The following SOCS2 variants were observed in gnomAD, a reference collection of about 807,000 sequenced individuals.
The protein encoded by SOCS2 is CIS-2.
Under a neutral mutation model 18.6 loss-of-function variants are expected in SOCS2, and 10 were observed. The ratio of observed to expected loss-of-function variants is 0.54; its 90% CI spans 0.33 to 0.91. SOCS2 has a LOEUF of 0.91. SOCS2 is among the 40% of genes least tolerant of loss of function. The probability of loss-of-function intolerance (pLI) is 0.02; values close to 1 mark genes in which losing one functional copy is unlikely to be tolerated. For synonymous variants in SOCS2, 104 were observed against 104.0 expected (o/e 1.00, Z 0.00); for missense variants, 231 against 247.2 (o/e 0.93, Z 0.44).
At chr12:93,601,266 T>A in the SOCS2 span, among the ~76,000 whole-genome samples, 27 of 152,070 alleles carry the variant, frequency 1.8e-4, no homozygotes, top group African/African-American at 6.3e-4. Flanking sequence ...AATTTCATAT[T>A]TATTTATTTA....
the SOCS2 span, among the ~76,000 whole-genome samples, chr12:93,595,160 C>G: frequency 9.2e-5 from 14 of 152,016 alleles, no homozygotes; most frequent in African/African-American, 3.4e-4. Flanking sequence ...GAGTCTTACT[C>G]GTTACTGAAA....
intron 1 of SOCS2, chr12:93,573,600 C>T (rs1954345000): frequency 1.1e-5 from 2 of 184,596 alleles, no homozygotes; most frequent in Non-Finnish European, 2.2e-5. Flanking sequence ...CAAGTACAGT[C>T]AGGCAATTCG....
the SOCS2 span, among the ~76,000 whole-genome samples, chr12:93,614,432 TTC>T: frequency 2.8e-5 from 1 of 35,284 alleles, no homozygotes; most frequent in African/African-American, 2.0e-4. Context: ...TTTCTTTCCC[TTC>T]CTTCCTTCCT....
chr12:93,593,747 G>A, the SOCS2 span, among the ~76,000 whole-genome samples: 2 of 152,098 alleles, frequency 1.3e-5, no homozygotes, highest in African/African-American at 4.8e-5. Flanking sequence ...CTTAAATGAA[G>A]CCAAGTCAAG....
chr12:93,605,190 C>T, the SOCS2 span, among the ~76,000 whole-genome samples: 1 of 152,202 alleles, frequency 6.6e-6, no homozygotes. Flanking sequence ...GCCACCACCA[C>T]CACCCACATT....
At chr12:93,583,895 T>C (rs554599033), downstream of SOCS2, among the ~76,000 whole-genome samples, 12 of 152,310 alleles carry the variant, frequency 7.9e-5, no homozygotes, top group African/African-American at 2.9e-4. Flanking sequence ...GATTGACACT[T>C]ACACAGATTA....
At chr12:93,610,702 A>G in the SOCS2 span, among the ~76,000 whole-genome samples, 8 of 152,190 alleles carry the variant, frequency 5.3e-5, no homozygotes, top group South Asian at 1.7e-3. Flanking sequence ...TTGCCATGTG[A>G]AGACACAGTG....
At chr12:93,582,761 A>G (rs1318488354) in intron 1 of SOCS2, among the ~76,000 whole-genome samples, 1 of 151,962 alleles carries the variant, frequency 6.6e-6, no homozygotes, top group Non-Finnish European at 1.5e-5. Flanking sequence ...CAAACATTGA[A>G]TCTCTGTTAT....
chr12:93,586,137 A>G (rs1161926827), downstream of SOCS2, among the ~76,000 whole-genome samples: 1 of 152,190 alleles, frequency 6.6e-6, no homozygotes, highest in African/African-American at 2.4e-5. Flanking sequence ...ACCATATTAA[A>G]GAGTTAGGGC....
the SOCS2 span, among the ~76,000 whole-genome samples, chr12:93,594,485 T>C: frequency 6.6e-6 from 1 of 152,322 alleles, no homozygotes; most frequent in East Asian, 1.9e-4. Context: ...ATTAAGACTT[T>C]AGAAGATATT....
chr12:93,607,300 A>G, the SOCS2 span, among the ~76,000 whole-genome samples: 8 of 152,322 alleles, frequency 5.3e-5, no homozygotes, highest in African/African-American at 1.4e-4. Flanking sequence ...GCTTTTCTAC[A>G]TCCTCCAACC....
chr12:93,625,745 CAA>C, the SOCS2 span, among the ~76,000 whole-genome samples: 465 of 62,478 alleles, frequency 7.4e-3, 4 homozygotes, highest in African/African-American at 0.018. Context: ...GAGACCATCT[CAA>C]AAAAAAAAAA....
At chr12:93,614,474 C>T in the SOCS2 span, among the ~76,000 whole-genome samples, 38 of 81,210 alleles carry the variant, frequency 4.7e-4, 1 homozygote, top group African/African-American at 2.4e-3. Context: ...TTCCTTCCTT[C>T]CTTCCTTTCC....
chr12:93,612,004 C>G, the SOCS2 span, among the ~76,000 whole-genome samples: 3 of 152,232 alleles, frequency 2.0e-5, no homozygotes, highest in South Asian at 6.2e-4. Flanking sequence ...ATTGAATTCT[C>G]AGTCAGGCCT....
At chr12:93,600,355 A>G in the SOCS2 span, among the ~76,000 whole-genome samples, 1 of 151,556 alleles carries the variant, frequency 6.6e-6, no homozygotes, top group African/African-American at 2.4e-5. Context: ...GTCCGTCTCC[A>G]CACCAGTGCC....
chr12:93,622,059 C>T, the SOCS2 span, among the ~76,000 whole-genome samples: 1 of 152,100 alleles, frequency 6.6e-6, no homozygotes, highest in Non-Finnish European at 1.5e-5. Context: ...TTGAACTTGG[C>T]CTGCAGATAT....
At chr12:93,602,819 G>A in the SOCS2 span, among the ~76,000 whole-genome samples, 5 of 152,152 alleles carry the variant, frequency 3.3e-5, no homozygotes, top group Admixed American at 6.5e-5. Flanking sequence ...TTGACTCTGC[G>A]AGGAGAGGGT....
chr12:93,620,485 G>A, the SOCS2 span, among the ~76,000 whole-genome samples: 123 of 151,940 alleles, frequency 8.1e-4, no homozygotes, highest in African/African-American at 2.9e-3. Flanking sequence ...GCACGATCTC[G>A]ACTCACTGCA....
At chr12:93,571,893 G>GGCGGCC (rs1417874075), upstream of SOCS2, 3 of 433,308 alleles carry the variant, frequency 6.9e-6, no homozygotes, top group African/African-American at 2.1e-5. Flanking sequence ...AGGCGGCGGC[G>GGCGGCC]GCGGCCGCGG....
Sources: gnomAD v4.1 joint callset for allele counts (sites outside exome capture counted in the v4.1 genomes callset) on GRCh38, gnomAD v4.1.1 for gene constraint, MANE v1.5 for transcripts, NCBI Gene and HGNC (gene_info 2026-07-23, HGNC 2026-07-21) for gene names.